STX8: variants seen among roughly 807,000 people sequenced by gnomAD.
STX8 encodes the protein syntaxin 8.
In STX8, 23 loss-of-function variants were observed where a neutral mutation model predicts 37.5. That is an observed-to-expected ratio of 0.61 (90% confidence interval 0.44 to 0.87). The LOEUF (loss-of-function observed/expected upper bound fraction) is 0.87. STX8 is among the 40% of genes least tolerant of loss of function. The pLI, the probability that STX8 is intolerant of heterozygous loss-of-function variation, is 0.00. For synonymous variants in STX8, 115 were observed against 99.1 expected (o/e 1.16, Z -0.95); for missense variants, 313 against 284.7 (o/e 1.10, Z -0.71).
intron 7 of STX8, among the ~76,000 whole-genome samples, chr17:9,361,751 C>T (rs967700138): frequency 2.6e-5 from 4 of 152,120 alleles, no homozygotes; most frequent in Admixed American, 6.6e-5. Flanking sequence ...TCTCTGAGCA[C>T]GCACCAATAA....
At position 9,402,222 on chromosome 17, in the gene STX8, C is replaced by T. The variant is rs558595436; in HGVS notation, c.542-23569G>A. ...GCAACCTCCGCCTCCTGAGTTCAAG[C>T]GATTCTCCTGCCTCAGCCTCCTGAG... On this transcript the variant is annotated intron_variant, in intron 6 of 7. Coordinates refer to ENST00000306357, the MANE Select transcript of STX8 (RefSeq NM_004853.3). 6.6e-5 allele frequency among the ~76,000 whole-genome samples: 10 copies of T among 152,138 alleles called. No homozygotes were observed. The South Asian group carries it at 1.5e-3, about 22-fold the overall frequency.
At chr17:9,360,579 G>C (rs73251917) in intron 7 of STX8, among the ~76,000 whole-genome samples, 1,866 of 143,964 alleles carry the variant, frequency 0.013, 34 homozygotes, top group African/African-American at 0.046. Context: ...TTTCCTTCCA[G>C]ATAAGTTATA....
At chr17:9,273,311 T>C (rs960376290) in intron 7 of STX8, 2 of 152,262 alleles carry the variant, frequency 1.3e-5, no homozygotes, top group Admixed American at 1.3e-4. Context: ...TTCTCCTTTT[T>C]GGGTCCAAAA....
chr17:9,284,745 T>C (rs1908015715), intron 7 of STX8, among the ~76,000 whole-genome samples: 1 of 152,238 alleles, frequency 6.6e-6, no homozygotes, highest in Non-Finnish European at 1.5e-5. Context: ...TGACTTTATA[T>C]CTAGACTTCG....
intron 7 of STX8, among the ~76,000 whole-genome samples, chr17:9,274,732 A>T (rs1907604735): frequency 7.1e-6 from 1 of 140,548 alleles, no homozygotes; most frequent in Non-Finnish European, 1.5e-5. Flanking sequence ...GTCTTCAAAA[A>T]TACAACAATT....
In STX8 at chr17:9,359,503, ATT is replaced by A. The variant is rs145808683; in HGVS notation, c.643+19047_643+19048del. On this transcript the variant is annotated intron_variant, in intron 7 of 7. Transcript: ENST00000306357. Reference sequence around the variant, plus strand: ...CTGGTATTCCACAATGCTGAGACATATTTTTTTTTTTTTTTTTTTTTTGGGAC... The same window carrying A: ...CTGGTATTCCACAATGCTGAGACATATTTTTTTTTTTTTTTTTTTTGGGAC... Among the ~76,000 whole-genome samples, 203 of 91,728 alleles carry A rather than the reference ATT, an allele frequency of 2.2e-3. 1 individual carries two copies. The highest frequency in any genetic ancestry group is 3.0e-3 in the Non-Finnish European group (138 of 45,418). The allele number at this position is 91,728 out of a possible 152,430, so 60.2% of individuals were successfully genotyped here. A position where few individuals can be genotyped will look rare whatever the true frequency, so the allele number is the denominator to read the frequency against.
At chr17:9,515,705 G>A (rs1312469219) in intron 4 of STX8, among the ~76,000 whole-genome samples, 2 of 152,044 alleles carry the variant, frequency 1.3e-5, no homozygotes, top group Non-Finnish European at 2.9e-5. Context: ...TTTATTATTT[G>A]TAGAGATGGG....
chr17:9,553,136 T>C (rs1190990213), intron 3 of STX8: 1 of 152,180 alleles, frequency 6.6e-6, no homozygotes, highest in African/African-American at 2.4e-5. Context: ...GTATCTTTAG[T>C]ACTATCTGGA....
intron 7 of STX8, among the ~76,000 whole-genome samples, chr17:9,377,700 G>A (rs1446534425): frequency 6.6e-6 from 1 of 151,946 alleles, no homozygotes; most frequent in Non-Finnish European, 1.5e-5. Context: ...TTTTTATAGA[G>A]ACAGAGAGGT....
intron 6 of STX8, among the ~76,000 whole-genome samples, chr17:9,462,041 T>A (rs934072041): frequency 6.6e-6 from 1 of 152,114 alleles, no homozygotes; most frequent in Non-Finnish European, 1.5e-5. Flanking sequence ...TAAATACAGA[T>A]GAAGCTTCAG....
At chr17:9,383,656 A>G (rs1347408867) in intron 6 of STX8, among the ~76,000 whole-genome samples, 6 of 152,210 alleles carry the variant, frequency 3.9e-5, no homozygotes, top group African/African-American at 1.4e-4. Flanking sequence ...AGAAAGCAAA[A>G]AGGTATGAAA....
At chr17:9,421,183 G>A (rs1232691204) in intron 6 of STX8, among the ~76,000 whole-genome samples, 1 of 151,762 alleles carries the variant, frequency 6.6e-6, no homozygotes, top group Non-Finnish European at 1.5e-5. Flanking sequence ...ACCTGAGGTC[G>A]GGTGTTTGAG....
chr17:9,432,389 G>A (rs1376121595), intron 6 of STX8, among the ~76,000 whole-genome samples: 1 of 152,044 alleles, frequency 6.6e-6, no homozygotes, highest in African/African-American at 2.4e-5. Flanking sequence ...AGAAAAGTCT[G>A]GCCTGCAGCT....
At chr17:9,354,826 C>T (rs1307886606) in intron 7 of STX8, among the ~76,000 whole-genome samples, 2 of 152,168 alleles carry the variant, frequency 1.3e-5, no homozygotes, top group African/African-American at 4.8e-5. Flanking sequence ...TATTCTAGAA[C>T]AGCTGTTCTC....
intron 4 of STX8, among the ~76,000 whole-genome samples, chr17:9,533,465 G>GAAACA (rs998177011): frequency 2.0e-5 from 3 of 151,984 alleles, no homozygotes; most frequent in African/African-American, 7.2e-5. Context: ...ACTCCATCTC[G>GAAACA]AAACAAAACA....
chr17:9,545,453 C>T (rs1242853177), intron 3 of STX8, among the ~76,000 whole-genome samples, 171 bp from the exon 4 acceptor site: 2 of 152,188 alleles, frequency 1.3e-5, no homozygotes, highest in African/African-American at 4.8e-5. Context: ...TCACCTTCAC[C>T]AGGCCGTCAG....
At chr17:9,517,488 C>T (rs1321176998) in intron 4 of STX8, among the ~76,000 whole-genome samples, 2 of 152,050 alleles carry the variant, frequency 1.3e-5, no homozygotes, top group African/African-American at 2.4e-5. Flanking sequence ...TCATGTGAAT[C>T]GCACACAGCC....
At chr17:9,461,752 TTATTA>T (rs2142421211) in intron 6 of STX8, among the ~76,000 whole-genome samples, 1 of 152,212 alleles carries the variant, frequency 6.6e-6, no homozygotes, top group East Asian at 1.9e-4. Context: ...TCTATTATTA[TTATTA>T]TAATATATAA....
chr17:9,430,651 T>C (rs1176017184), intron 6 of STX8, among the ~76,000 whole-genome samples: 2 of 37,462 alleles, frequency 5.3e-5, no homozygotes, highest in Non-Finnish European at 1.2e-4. Context: ...GGTTTTGGCT[T>C]TTTTTTTTTT....
Sources: allele counts gnomAD v4.1 joint callset (sites outside exome capture counted in the v4.1 genomes callset), GRCh38; gene constraint gnomAD v4.1.1; transcripts MANE v1.5; gene names NCBI Gene and HGNC (gene_info 2026-07-23, HGNC 2026-07-21).